STK38: variants seen among roughly 807,000 people sequenced by gnomAD.
The protein encoded by STK38 is serine/threonine-protein kinase 38.
A neutral mutation model predicts 59.0 loss-of-function variants in STK38; 26 were observed. That is an observed-to-expected ratio of 0.44 (90% CI 0.32 to 0.61). STK38 has a LOEUF of 0.61. Ranked by LOEUF, STK38 falls within the 20% of genes least tolerant of loss-of-function variation. The probability of loss-of-function intolerance (pLI) is 0.04; values close to 1 mark genes in which losing one functional copy is unlikely to be tolerated. For missense variants in STK38, 433 were observed against 566.0 expected (o/e 0.76, Z 2.38); for synonymous variants, 175 against 176.6 (o/e 0.99, Z 0.07).
intron 2 of STK38, among the ~76,000 whole-genome samples, chr6:36,531,557 T>C (rs1777667267): frequency 1.3e-5 from 2 of 152,118 alleles, no homozygotes; most frequent in Non-Finnish European, 2.9e-5. Context: ...CTAGAGAAGG[T>C]CACAACCAAA....
Position 36,499,983 on chromosome 6 carries a change from G to T in STK38, c.842C>A (p.Ser281Tyr). Reference protein sequence around the residue: ...WKRNRRQLAFSTVGTPDYIAP... With the variant: ...WKRNRRQLAFYTVGTPDYIAP... ...AATGTAGTCAGGAGTGCCTACTGTG[G>T]AGAAGGCCTGAAACATGGACCACAC... The change falls in exon 10 of 14, where the codon TCC becomes TAC. Residue 281 changes from serine (S) to tyrosine (Y), a missense_variant. By Grantham distance (144) the Ser-to-Tyr change is moderately radical. This residue lies in a region of STK38 where 293 missense variants were observed against 388.2 expected (regional missense o/e 0.75). Transcript: ENST00000229812. The T allele has an allele frequency of 6.2e-7, 1 of 1,613,298 alleles. No individual in the cohort carries two copies. Among genetic ancestry groups the T allele is most frequent in the South Asian group, 1.1e-5 (1 of 91,060 alleles).
chr6:36,546,812 G>C (rs1004708713), intron 1 of STK38, among the ~76,000 whole-genome samples: 21 of 152,162 alleles, frequency 1.4e-4, no homozygotes, highest in African/African-American at 5.1e-4. Flanking sequence ...ACAGACCCCA[G>C]AAGAAGGAAA....
intron 8 of STK38, 41 bp downstream of exon 8, chr6:36,507,459 C>T: frequency 6.5e-7 from 1 of 1,548,098 alleles, no homozygotes; most frequent in South Asian, 1.1e-5. Flanking sequence ...TCTTCTAGGC[C>T]CAGTTAGAAC....
chr6:36,525,586 A>T lies in STK38; in HGVS notation c.183+5T>A. 2 of 1,574,118 alleles carry T rather than the reference A, an allele frequency of 1.3e-6. No homozygotes were observed. The highest frequency in any genetic ancestry group is 1.7e-6 in the Non-Finnish European group (2 of 1,143,884). ...TTTAAGGAAAACATTGCCAATATTA[A>T]TTACCTCCTCATCTTTTAGGCCTTC... On this transcript the variant is annotated splice_donor_5th_base_variant and intron_variant, in intron 3 of 13. Coordinates refer to ENST00000229812, the MANE Select transcript of STK38 (RefSeq NM_007271.4).
Position 36,499,879 on chromosome 6 carries a change from G to C in STK38, c.946C>G (p.Leu316Val). ...WSLGVIMYEM[L>V]IGYPPFCSET... Reference sequence around the variant, plus strand: ...CTGAAACCATGCAACTTACCGATGAGCATCTCATACATGATCACCCCAAGC... The same window carrying C: ...CTGAAACCATGCAACTTACCGATGACCATCTCATACATGATCACCCCAAGC... Residue 316 changes from leucine to valine, a missense_variant, in exon 10 of 14, where the codon CTC (leucine) becomes GTC (valine). Leu to Val is a conservative substitution (Grantham distance 32). Transcript: ENST00000229812. 6.2e-7 allele frequency: 1 copy of C among 1,613,468 alleles called. No homozygotes were observed. Among genetic ancestry groups the C allele is most frequent in the South Asian group, 1.1e-5 (1 of 91,076 alleles).
At chr6:36,532,580 A>T (rs937390776) in intron 2 of STK38, among the ~76,000 whole-genome samples, 1 of 152,094 alleles carries the variant, frequency 6.6e-6, no homozygotes, top group Non-Finnish European at 1.5e-5. Context: ...ACTCAAGACC[A>T]GCCTGGCCAA....
intron 4 of STK38, among the ~76,000 whole-genome samples, chr6:36,523,970 A>G (rs1285703909): frequency 7.9e-5 from 12 of 152,338 alleles, no homozygotes; most frequent in Admixed American, 7.8e-4. Context: ...TGGCTGTGTG[A>G]TAACAAGAGA....
At chr6:36,533,605 A>G (rs1777721389) in intron 2 of STK38, among the ~76,000 whole-genome samples, 1 of 152,224 alleles carries the variant, frequency 6.6e-6, no homozygotes, top group Non-Finnish European at 1.5e-5. Context: ...ACAATGTATC[A>G]TTTATTAATA....
intron 9 of STK38, among the ~76,000 whole-genome samples, chr6:36,500,202 A>G (rs1309243058): frequency 6.6e-6 from 1 of 151,970 alleles, no homozygotes; most frequent in Non-Finnish European, 1.5e-5. Flanking sequence ...ACCCTTAACT[A>G]TGAGTCACTA....
intron 5 of STK38, among the ~76,000 whole-genome samples, chr6:36,518,218 A>T (rs1777300407): frequency 6.6e-6 from 1 of 152,184 alleles, no homozygotes; most frequent in Non-Finnish European, 1.5e-5. Flanking sequence ...ACTCTCTTCC[A>T]AGTTCTTCCT....
intron 10 of STK38, among the ~76,000 whole-genome samples, chr6:36,499,635 G>A (rs1776791330): frequency 6.6e-6 from 1 of 152,118 alleles, no homozygotes; most frequent in South Asian, 2.1e-4. Flanking sequence ...GAAGATGAAG[G>A]TATAAGAGAA....
At chr6:36,508,018 C>T (rs543147458) in intron 7 of STK38, among the ~76,000 whole-genome samples, 7 of 150,632 alleles carry the variant, frequency 4.6e-5, no homozygotes, top group East Asian at 2.0e-4. Context: ...ACTGCAGCCT[C>T]GACCTCCCAG....
chr6:36,527,207 A>AAAAAAAAAATATATATAT (rs60162863), intron 2 of STK38, among the ~76,000 whole-genome samples: 1 of 119,356 alleles, frequency 8.4e-6, no homozygotes, highest in African/African-American at 3.5e-5. Context: ...AAAAAAAAAA[A>AAAAAAAAAATATATATAT]ATATATGTAT....
intron 9 of STK38, among the ~76,000 whole-genome samples, chr6:36,503,070 T>G (rs1026747178): frequency 6.6e-6 from 1 of 152,238 alleles, no homozygotes; most frequent in African/African-American, 2.4e-5. Context: ...TTCTTCTGAA[T>G]GTCTCCTGGT....
chr6:36,521,077 C>T (rs961948088), intron 5 of STK38, among the ~76,000 whole-genome samples: 5 of 152,196 alleles, frequency 3.3e-5, no homozygotes, highest in Admixed American at 1.3e-4. Flanking sequence ...TTAAAATATA[C>T]TTTCCAATAT....
In STK38 at chr6:36,513,848, TAAAAAAAA is replaced by T. The variant is rs1178706954; in HGVS notation, c.669+1482_669+1489del. 3.6e-4 allele frequency among the ~76,000 whole-genome samples: 23 copies of T among 63,840 alleles called. No homozygotes were observed. In the East Asian group the frequency reaches 0.011, roughly 30 times the overall value. 41.9% of individuals were successfully genotyped at this position (63,840 alleles called of 152,430 possible). ...GCGAGACCTCATCTCTACTAAAAATTAAAAAAAAAAAAAAAAAAAAAAAAAGGCCAGGC... is the reference window on the plus strand; with the variant it reads ...GCGAGACCTCATCTCTACTAAAAATTAAAAAAAAAAAAAAAAAGGCCAGGC... On this transcript the variant is annotated intron_variant, in intron 7 of 13. Coordinates refer to ENST00000229812, the MANE Select transcript of STK38 (RefSeq NM_007271.4).
rs1410633338 is a variant in STK38 at position 36,547,431 on chromosome 6, C to A, written c.-247G>T. ...TGAGGGGCCAAGGCAGCCCGGTCCCCCGCCGCGGAGACGGGCTGGCGCGGC... is the reference window on the plus strand; with the variant it reads ...TGAGGGGCCAAGGCAGCCCGGTCCCACGCCGCGGAGACGGGCTGGCGCGGC... On this transcript the variant is annotated 5_prime_UTR_variant, in exon 1 of 14. Transcript: ENST00000229812. 1 of 152,256 alleles carries A rather than the reference C, an allele frequency of 6.6e-6. No homozygotes were observed. The highest frequency in any genetic ancestry group is 2.4e-5 in the African/African-American group (1 of 41,440). The allele number at this position is 152,256 out of a possible 1,614,324, so 9.4% of individuals were successfully genotyped here.
At chr6:36,519,143 C>CT (rs1490217142) in intron 5 of STK38, among the ~76,000 whole-genome samples, 4 of 152,090 alleles carry the variant, frequency 2.6e-5, no homozygotes, top group Admixed American at 6.6e-5. Flanking sequence ...TAAAATCATT[C>CT]TTTGGGGAAT....
chr6:36,514,286 C>G (rs1324754200), intron 7 of STK38, among the ~76,000 whole-genome samples: 1 of 150,734 alleles, frequency 6.6e-6, no homozygotes, highest in Non-Finnish European at 1.5e-5. Flanking sequence ...TGCACTTCAA[C>G]CTGGATGACA....
Sources: gnomAD v4.1 joint callset for allele counts (sites outside exome capture counted in the v4.1 genomes callset) on GRCh38, gnomAD v4.1.1 for gene constraint, gnomAD v4.1.1 regional missense constraint, MANE v1.5 for transcripts, NCBI Gene and HGNC (gene_info 2026-07-23, HGNC 2026-07-21) for gene names.